SPATA20: variants seen among roughly 807,000 people sequenced by gnomAD.
SPATA20 encodes the protein spermatogenesis associated 20, also known as spermatogenesis-associated protein 20.
Under a neutral mutation model 98.9 loss-of-function variants are expected in SPATA20, and 74 were observed. The ratio of observed to expected loss-of-function variants is 0.75; its 90% CI spans 0.62 to 0.91. SPATA20 has a LOEUF of 0.91. Ranked by LOEUF, SPATA20 falls within the 40% of genes least tolerant of loss-of-function variation. SPATA20 has a pLI of 0.00. For missense variants in SPATA20, 1,016 were observed against 1,069.8 expected (o/e 0.95, Z 0.70); for synonymous variants, 430 against 440.5 (o/e 0.98, Z 0.30).
At chr17:50,554,905 G>A (rs1297304130) in intron 15 of SPATA20, among the ~76,000 whole-genome samples, 1 of 62,216 alleles carries the variant, frequency 1.6e-5, no homozygotes, top group African/African-American at 2.4e-4. Flanking sequence ...GTGTGTGTGT[G>A]TGTGTGTGTG....
intron 12 of SPATA20, 81 bp downstream of exon 12, chr17:50,551,271 G>T: frequency 7.5e-7 from 1 of 1,342,164 alleles, no homozygotes; most frequent in Non-Finnish European, 1.0e-6. Flanking sequence ...GCGGCTAAAT[G>T]CTCACTCTCC....
rs201429533 is a variant in SPATA20 at position 50,549,058 on chromosome 17, G to A, written c.532G>A (p.Gly178Arg). 2.7e-5 allele frequency: 44 copies of A among 1,613,482 alleles called. 1 individual carries two copies. Among genetic ancestry groups the A allele is most frequent in the Middle Eastern group, 3.3e-4 (2 of 6,060 alleles). The change falls in exon 6 of 17, where the codon GGG becomes AGG. Residue 178 changes from glycine to arginine, a missense_variant. Transcript: ENST00000006658. ...TCTCCGCCAGGCCACCAGCAGCGGC[G>A]GGGGCTGGCCCATGAATGTGTGGCT... ...MTFVQATSSGGGWPMNVWLTP... is the reference protein window; with the variant it reads ...MTFVQATSSGRGWPMNVWLTP...
At chr17:50,547,927 AGCT>A (rs2034940478) in intron 2 of SPATA20, 160 bp downstream of exon 2, 2 of 1,493,944 alleles carry the variant, frequency 1.3e-6, no homozygotes, top group Non-Finnish European at 9.0e-7. Context: ...GCCTCCAAGC[AGCT>A]GCTCCAGGAA....
intron 14 of SPATA20, among the ~76,000 whole-genome samples, chr17:50,553,114 G>A (rs1248388122): frequency 1.3e-5 from 2 of 152,186 alleles, no homozygotes; most frequent in Admixed American, 6.5e-5. Context: ...GAAGTAGGAC[G>A]CTCTATGTGT....
intron 16 of SPATA20, 51 bp from the exon 17 acceptor site, chr17:50,555,441 C>T: frequency 6.2e-7 from 1 of 1,607,650 alleles, no homozygotes; most frequent in East Asian, 2.2e-5. Flanking sequence ...TTCTAATGGG[C>T]AGGTGACCCC....
intron 2 of SPATA20, chr17:50,547,997 C>G (rs1180576114): frequency 1.4e-6 from 2 of 1,480,154 alleles, no homozygotes; most frequent in Admixed American, 2.2e-5. Context: ...ACCATTCTGC[C>G]CATTGTGACC....
chr17:50,552,084 GACAC>G lies in SPATA20; in HGVS notation c.1865_1868del (p.Thr622ArgfsTer28). 1 of 1,613,836 alleles carries G rather than the reference GACAC, an allele frequency of 6.2e-7. No homozygotes were observed. Among genetic ancestry groups the G allele is most frequent in the Non-Finnish European group, 8.5e-7 (1 of 1,179,998 alleles). ...GCTCGAGTGGGCTCTGCGGCTGCAGGACACACAGGACAAGCTCTTTTGGGACTCC... is the reference window on the plus strand; with the variant it reads ...GCTCGAGTGGGCTCTGCGGCTGCAGGACAGGACAAGCTCTTTTGGGACTCC... On this transcript the variant is annotated frameshift_variant, in exon 14 of 17. Coordinates refer to ENST00000006658, the MANE Select transcript of SPATA20 (RefSeq NM_022827.4). LOFTEE classifies it high-confidence loss of function.
rs1183800272 is a variant in SPATA20 at position 50,547,292 on chromosome 17, G to C, written c.77+7G>C. Reference sequence around the variant, plus strand: ...GCCTCGCCGCGAGCCGCAGGTACGGGCGGGCGAGCGGGCCCCTAGGGCACT... The same window carrying C: ...GCCTCGCCGCGAGCCGCAGGTACGGCCGGGCGAGCGGGCCCCTAGGGCACT... On this transcript the variant is annotated splice_region_variant and intron_variant, in intron 1 of 16. Coordinates refer to ENST00000006658, the MANE Select transcript of SPATA20 (RefSeq NM_022827.4). 3.6e-6 allele frequency: 5 copies of C among 1,379,248 alleles called. No homozygotes were observed. Among genetic ancestry groups the C allele is most frequent in the Non-Finnish European group, 3.7e-6 (4 of 1,073,920 alleles). The allele number at this position is 1,379,248 out of a possible 1,614,324, so 85.4% of individuals were successfully genotyped here.
rs2034925725 is a variant in SPATA20 at position 50,547,207 on chromosome 17, C to G, written c.-2C>G. 9.1e-6 allele frequency: 13 copies of G among 1,428,978 alleles called. No homozygotes were observed. The highest frequency in any genetic ancestry group is 1.1e-5 in the Non-Finnish European group (12 of 1,099,938). The allele number at this position is 1,428,978 out of a possible 1,614,324, so 88.5% of individuals were successfully genotyped here. On this transcript the variant is annotated 5_prime_UTR_variant, in exon 1 of 17. Transcript: ENST00000006658. Reference sequence around the variant, plus strand: ...CGGCCGGGCCCACGGCCCCGAGCAGCCATGCTGGGCGCGCGGGCCTGGTTG... The same window carrying G: ...CGGCCGGGCCCACGGCCCCGAGCAGGCATGCTGGGCGCGCGGGCCTGGTTG...
chr17:50,547,342 TG>T, intron 1 of SPATA20, 57 bp downstream of exon 1: 1 of 1,358,094 alleles, frequency 7.4e-7, no homozygotes, highest in Non-Finnish European at 9.7e-7. Flanking sequence ...GCGGGCCCAG[TG>T]GAGGGTCTTC....
chr17:50,547,378 C>A (rs1428200407), intron 1 of SPATA20, 93 bp downstream of exon 1: 10 of 1,106,758 alleles, frequency 9.0e-6, no homozygotes, highest in Non-Finnish European at 1.2e-5. Context: ...CAGTGCCAGT[C>A]TGGACCACCC....
At position 50,550,042 on chromosome 17, in the gene SPATA20, C is replaced by G; in HGVS notation, c.920C>G (p.Ser307Cys). The part of the protein sequence containing the change: ...WLSHRLTQDG[S>C]RAQQMALHTL... ...AGCCATCGACTGACTCAGGATGGCT[C>G]TCGGGCCCAGCAGATGGCCTTGCAT... The change falls in exon 8 of 17, where the codon TCT (serine) becomes TGT (cysteine). Residue 307 changes from serine (S) to cysteine (C), a missense_variant. Ser to Cys is a moderately radical substitution (Grantham distance 112, BLOSUM62 -1). Transcript: ENST00000006658. 1 of 1,600,894 alleles carries G rather than the reference C, an allele frequency of 6.2e-7. No individual in the cohort carries two copies. Among genetic ancestry groups the G allele is most frequent in the Non-Finnish European group, 8.5e-7 (1 of 1,170,800 alleles).
In SPATA20 at chr17:50,548,929, C is replaced by T. The variant is rs1405419160; in HGVS notation, c.481C>T (p.Pro161Ser). Reference protein sequence around the residue: ...VSVKVDREERPDVDKVYMTFV... With the variant: ...VSVKVDREERSDVDKVYMTFV... Reference sequence around the variant, plus strand: ...TGTGAAGGTAGACCGTGAGGAGCGGCCTGACGTGGACAAGGTGTACATGAC... The same window carrying T: ...TGTGAAGGTAGACCGTGAGGAGCGGTCTGACGTGGACAAGGTGTACATGAC... The change falls in exon 5 of 17, where the codon CCT becomes TCT. Residue 161 changes from proline (P) to serine (S), a missense_variant. By Grantham distance (74) the Pro-to-Ser change is moderately conservative. Coordinates refer to ENST00000006658, the MANE Select transcript of SPATA20 (RefSeq NM_022827.4). 2 of 1,614,168 alleles carry T rather than the reference C, an allele frequency of 1.2e-6. No individual in the cohort carries two copies. Among genetic ancestry groups the T allele is most frequent in the East Asian group, 4.5e-5 (2 of 44,886 alleles).
At position 50,548,965 on chromosome 17, in the gene SPATA20, G is replaced by T; in HGVS notation, c.516+1G>T. ...CAAGGTGTACATGACGTTCGTGCAGGTGAGCAGCCCTCCTCGGGAGTGTAT... is the reference window on the plus strand; with the variant it reads ...CAAGGTGTACATGACGTTCGTGCAGTTGAGCAGCCCTCCTCGGGAGTGTAT... On this transcript the variant is annotated splice_donor_variant, in intron 5 of 16. Transcript: ENST00000006658. LOFTEE classifies it high-confidence loss of function. 3 of 1,614,176 alleles carry T rather than the reference G, an allele frequency of 1.9e-6. No individual in the cohort carries two copies. The highest frequency in any genetic ancestry group is 2.2e-5 in the South Asian group (2 of 91,090).
chr17:50,555,238 A>T lies in SPATA20; in HGVS notation c.2164A>T (p.Ile722Phe). The change falls in exon 16 of 17, where the codon ATC (isoleucine) becomes TTC (phenylalanine). Residue 722 changes from isoleucine (I) to phenylalanine (F), a missense_variant. Ile to Phe is a conservative substitution (Grantham distance 21, BLOSUM62 0). Coordinates refer to ENST00000006658, the MANE Select transcript of SPATA20 (RefSeq NM_022827.4). ...AQQQTLKQIV[I>F]CGDRQAKDTK... ...ACCTTTCTATTCCGGTCAGATCGTG[A>T]TCTGTGGAGACCGTCAGGCCAAGGA... 9.3e-6 allele frequency: 15 copies of T among 1,613,738 alleles called. No homozygotes were observed. The highest frequency in any genetic ancestry group is 1.3e-5 in the Non-Finnish European group (15 of 1,179,852).
rs1194007658 is a variant in SPATA20, at chr17:50,548,848, G to A, written c.400G>A (p.Glu134Lys). The A allele has an allele frequency of 3.1e-6, 5 of 1,614,130 alleles. No individual in the cohort carries two copies. Among genetic ancestry groups the A allele is most frequent in the Admixed American group, 1.7e-5 (1 of 60,020 alleles). The change falls in exon 5 of 17, where the codon GAG becomes AAG. Residue 134 changes from glutamate to lysine, a missense_variant. By Grantham distance (56) the Glu-to-Lys change is moderately conservative (BLOSUM62 1). Transcript: ENST00000006658. The part of the protein sequence containing the change: ...STCHWCHMME[E>K]ESFQNEEIGR... ...CTGCCACTGGTGCCACATGATGGAA[G>A]AGGAGTCCTTCCAGAATGAGGAGAT...
chr17:50,554,254 A>G lies in SPATA20; in HGVS notation c.1961A>G (p.Gln654Arg). Reference protein sequence around the residue: ...AGLPLRLKDDQDGAEPSANSV... With the variant: ...AGLPLRLKDDRDGAEPSANSV... Reference sequence around the variant, plus strand: ...CCTGCCTCCCTATGTGCTGTAGACCAGGATGGAGCAGAGCCCAGCGCCAAT... The same window carrying G: ...CCTGCCTCCCTATGTGCTGTAGACCGGGATGGAGCAGAGCCCAGCGCCAAT... Residue 654 changes from glutamine (Q) to arginine (R), a missense_variant, in exon 15 of 17, where the codon CAG (glutamine) becomes CGG (arginine). By Grantham distance (43) the Gln-to-Arg change is conservative. Coordinates refer to ENST00000006658, the MANE Select transcript of SPATA20 (RefSeq NM_022827.4). The G allele has an allele frequency of 6.2e-7, 1 of 1,614,040 alleles. No homozygotes were observed. The highest frequency in any genetic ancestry group is 8.5e-7 in the Non-Finnish European group (1 of 1,180,004).
At position 50,551,068 on chromosome 17, in the gene SPATA20, G is replaced by A. The variant is rs761972209; in HGVS notation, c.1454G>A (p.Arg485His). 5 of 1,613,292 alleles carry A rather than the reference G, an allele frequency of 3.1e-6. No homozygotes were observed. Among genetic ancestry groups the A allele is most frequent in the South Asian group, 1.1e-5 (1 of 91,090 alleles). ...VRYSLELTAA[R>H]FGLDVEAVRT... is the part of the protein sequence containing the mutation. ...TACTCGCTGGAGCTGACTGCTGCCC[G>A]CTTTGGCTTGGATGTGGAGGCCGTG... Residue 485 changes from arginine to histidine, a missense_variant, in exon 12 of 17, where the codon CGC (arginine) becomes CAC (histidine). Transcript: ENST00000006658.
chr17:50,549,266 T>A lies in SPATA20; in HGVS notation c.661-20T>A, dbSNP rs2034970034. On this transcript the variant is annotated intron_variant, in intron 6 of 16. Coordinates refer to ENST00000006658, the MANE Select transcript of SPATA20 (RefSeq NM_022827.4). ...CCCCTCCCCCTAGCTGACCTCCAGGTGTGCCCCCACCTCCCGCAGTGGAAA... is the reference window on the plus strand; with the variant it reads ...CCCCTCCCCCTAGCTGACCTCCAGGAGTGCCCCCACCTCCCGCAGTGGAAA... 1.2e-6 allele frequency: 2 copies of A among 1,605,676 alleles called. No individual in the cohort carries two copies. Among genetic ancestry groups the A allele is most frequent in the Middle Eastern group, 1.7e-4 (1 of 6,044 alleles).
Sources: gnomAD v4.1 joint callset for allele counts (sites outside exome capture counted in the v4.1 genomes callset) on GRCh38, gnomAD v4.1.1 for gene constraint, MANE v1.5 for transcripts, NCBI Gene and HGNC (gene_info 2026-07-23, HGNC 2026-07-21) for gene names.